The following SERAC1 variants were observed in gnomAD, a reference collection of about 807,000 sequenced individuals.
SERAC1 encodes the protein protein SERAC1.
Under a neutral mutation model 85.7 loss-of-function variants are expected in SERAC1, and 36 were observed. The ratio of observed to expected loss-of-function variants is 0.42; its 90% confidence interval spans 0.32 to 0.55. SERAC1 has a LOEUF of 0.55. Ranked by LOEUF, SERAC1 falls within the 20% of genes least tolerant of loss-of-function variation. The pLI, the probability that SERAC1 is intolerant of heterozygous loss-of-function variation, is 0.11. For synonymous variants in SERAC1, 242 were observed against 265.3 expected, an observed-to-expected ratio of 0.91 and a Z score of 0.85; for missense variants, 629 against 796.2, an observed-to-expected ratio of 0.79 and a Z score of 2.53.
At position 158,114,937 on chromosome 6, in the gene SERAC1, A is replaced by G. The variant is rs763933400; in HGVS notation, c.1536T>C (p.Ser512=). ...TAACAGTACTCATTTCTGGCTTCGT[A>G]GAGGCTTCCAACAGCATCTTTTTGA... ...LLVKKMLLEA[S]TKPEMSTVIN... is the part of the protein sequence containing the mutation. The change falls in exon 15 of 17, where the codon TCT becomes TCC. Residue 512 remains serine (S), a synonymous_variant. Transcript: ENST00000647468. The G allele has an allele frequency of 1.9e-6, 3 of 1,613,606 alleles. No individual in the cohort carries two copies. Among genetic ancestry groups the G allele is most frequent in the African/African-American group, 1.3e-5 (1 of 75,034 alleles).
chr6:158,142,581 A>C lies in SERAC1; in HGVS notation c.738+475T>G, dbSNP rs531705020. Reference sequence around the variant, plus strand: ...AACCTCCGCCTCCCGGGTTCAAGCGATTCTCCTGCCTCAGCCTCCCGAGTA... The same window carrying C: ...AACCTCCGCCTCCCGGGTTCAAGCGCTTCTCCTGCCTCAGCCTCCCGAGTA... On this transcript the variant is annotated intron_variant, in intron 8 of 16. Transcript: ENST00000647468. 2.5e-3 allele frequency among the ~76,000 whole-genome samples: 372 copies of C among 151,630 alleles called. 5 individuals carry two copies. Among genetic ancestry groups the C allele is most frequent in the Non-Finnish European group, 5.7e-4 (39 of 67,908 alleles).
chr6:158,147,036 G>A (rs972992608), intron 5 of SERAC1, 123 bp from the exon 6 acceptor site: 39 of 915,948 alleles, frequency 4.3e-5, no homozygotes, highest in Non-Finnish European at 4.8e-6. Flanking sequence ...ATATATATAG[G>A]TATTGATAAA....
At chr6:158,167,223 TAAAAAAAAAAAAA>T (rs34350104) in intron 1 of SERAC1, among the ~76,000 whole-genome samples, 2 of 101,838 alleles carry the variant, frequency 2.0e-5, no homozygotes, top group South Asian at 3.5e-4. Flanking sequence ...CACACGATGT[TAAAAAAAAAAAAA>T]AAAAAAAAAA....
At chr6:158,165,397 C>T (rs1785575868) in intron 1 of SERAC1, among the ~76,000 whole-genome samples, 2 of 152,244 alleles carry the variant, frequency 1.3e-5, no homozygotes, top group Admixed American at 6.5e-5. Context: ...CCTCGTGATC[C>T]ACCCGCCTCG....
intron 6 of SERAC1, chr6:158,146,285 G>A (rs1785052908): frequency 6.6e-6 from 1 of 152,086 alleles, no homozygotes; most frequent in Admixed American, 6.6e-5. Flanking sequence ...CAGTTCAGCA[G>A]GCTTTCTACT....
intron 3 of SERAC1, among the ~76,000 whole-genome samples, chr6:158,151,807 T>G (rs1043022658): frequency 1.3e-5 from 2 of 152,140 alleles, no homozygotes; most frequent in African/African-American, 4.8e-5. Flanking sequence ...ATACAACGTG[T>G]TTGTGTTTTA....
intron 8 of SERAC1, among the ~76,000 whole-genome samples, chr6:158,142,474 A>G (rs1583588734): frequency 7.2e-6 from 1 of 139,708 alleles, no homozygotes; most frequent in East Asian, 2.1e-4. Flanking sequence ...CCTCAGCCCT[A>G]TTCATTCTTT....
At position 158,113,476 on chromosome 6, in the gene SERAC1, G is replaced by A. The variant is rs1784195834; in HGVS notation, c.1801C>T (p.Leu601Phe). The stretch of plus-strand genomic sequence containing the variant: ...GCTGATTCCACAGGTACCACATGGA[G>A]CTTAATCATGCTGCCAATGTAGGTT... ...LPTYIGSMIK[L>F]HVVPVESADL... is the part of the protein sequence containing the mutation. The change falls in exon 16 of 17, where the codon CTC becomes TTC. Residue 601 changes from leucine (L) to phenylalanine (F), a missense_variant. Leu to Phe is a conservative substitution (Grantham distance 22). Coordinates refer to ENST00000647468, the MANE Select transcript of SERAC1 (RefSeq NM_032861.4). The A allele has an allele frequency of 6.2e-7, 1 of 1,613,898 alleles. No individual in the cohort carries two copies. The highest frequency in any genetic ancestry group is 1.3e-5 in the African/African-American group (1 of 74,930).
At chr6:158,157,694 T>C (rs1224072209) in intron 2 of SERAC1, among the ~76,000 whole-genome samples, 1 of 152,244 alleles carries the variant, frequency 6.6e-6, no homozygotes, top group Non-Finnish European at 1.5e-5. Context: ...GATCACCTAC[T>C]ACATGCCATG....
chr6:158,129,878 T>G (rs1187818417), intron 9 of SERAC1, among the ~76,000 whole-genome samples: 2 of 152,102 alleles, frequency 1.3e-5, no homozygotes, highest in Non-Finnish European at 2.9e-5. Flanking sequence ...GTATTTTTAG[T>G]AGAGACGGAG....
chr6:158,115,643 A>G (rs766361019), intron 14 of SERAC1, among the ~76,000 whole-genome samples: 7 of 152,118 alleles, frequency 4.6e-5, no homozygotes, highest in Admixed American at 2.6e-4. Flanking sequence ...AAAATTTCAA[A>G]GTGGACTGGG....
In SERAC1 at chr6:158,120,351, A is replaced by G; in HGVS notation, c.1166+74T>C. ...TTTAACTTATCTGAATTATGCAGAA[A>G]TAAGTTAAAAATTTGAGGCCTCTAG... On this transcript the variant is annotated intron_variant, in intron 11 of 16. Transcript: ENST00000647468. This position sits in a 1 kb window ranked among gnomAD's most constrained non-coding sequence, Gnocchi z 4.4. 7.0e-7 allele frequency: 1 copy of G among 1,429,122 alleles called. No homozygotes were observed. Among genetic ancestry groups the G allele is most frequent in the Admixed American group, 2.3e-5 (1 of 42,590 alleles). 88.5% of individuals were successfully genotyped at this position (1,429,122 alleles called of 1,614,324 possible).
chr6:158,145,522 C>CTTTTTT (rs770977567), intron 6 of SERAC1, among the ~76,000 whole-genome samples: 2 of 129,202 alleles, frequency 1.5e-5, no homozygotes, highest in African/African-American at 2.9e-5. Context: ...GAGAATTTTT[C>CTTTTTT]TTTTTTTTTT....
intron 9 of SERAC1, among the ~76,000 whole-genome samples, chr6:158,129,975 C>T (rs1784637203): frequency 1.3e-5 from 2 of 152,124 alleles, no homozygotes. Flanking sequence ...GGATTACAGG[C>T]GTGAGCCACC....
chr6:158,146,835 T>C lies in SERAC1; in HGVS notation c.434A>G (p.Lys145Arg), dbSNP rs1245612545. Residue 145 changes from lysine (K) to arginine (R), a missense_variant, in exon 6 of 17, where the codon AAA (lysine) becomes AGA (arginine). By Grantham distance (26) the Lys-to-Arg change is conservative. Coordinates refer to ENST00000647468, the MANE Select transcript of SERAC1 (RefSeq NM_032861.4). The part of the protein sequence containing the change: ...LLLRKSKSDD[K>R]TTRLEAVREM... ...CCGCACAGCCTCGAGTCGCGTGGTTTTGTCATCTGACTTGCTCTTCCGTAG... is the reference window on the plus strand; with the variant it reads ...CCGCACAGCCTCGAGTCGCGTGGTTCTGTCATCTGACTTGCTCTTCCGTAG... 1.2e-6 allele frequency: 2 copies of C among 1,613,950 alleles called. No homozygotes were observed. The highest frequency in any genetic ancestry group is 1.7e-6 in the Non-Finnish European group (2 of 1,179,968).
At chr6:158,118,403 C>CA (rs1784341300) in intron 12 of SERAC1, among the ~76,000 whole-genome samples, 1 of 152,056 alleles carries the variant, frequency 6.6e-6, no homozygotes, top group Non-Finnish European at 1.5e-5. Flanking sequence ...AAATTCCATT[C>CA]AATGAATTCA....
At chr6:158,165,438 A>C (rs1785577227) in intron 1 of SERAC1, among the ~76,000 whole-genome samples, 1 of 152,152 alleles carries the variant, frequency 6.6e-6, no homozygotes, top group South Asian at 2.1e-4. Context: ...TACAAGCGTG[A>C]GCCACCGTGC....
rs112404973 is a variant in SERAC1, at chr6:158,115,293, G to A, written c.1502-322C>T. Among the ~76,000 whole-genome samples the A allele has an allele frequency of 7.7e-3, 1,176 of 152,296 alleles. 18 individuals carry two copies. The highest frequency in any genetic ancestry group is 0.026 in the African/African-American group (1,091 of 41,562). On this transcript the variant is annotated intron_variant, in intron 14 of 16. Transcript: ENST00000647468. ...CTGGGAGCTCCCTCAGGACATGAGC[G>A]TGGTGTGGCTGGTCTCTCAGCCTGC... is the stretch of plus-strand genomic sequence containing the variant.
rs188252095 is a variant in SERAC1, at chr6:158,152,335, G to A, written c.129-1746C>T. Reference sequence around the variant, plus strand: ...ATTCAAGACCGGCCTGGCCAACATGGCAAAACCAAGGCTCTACTAAAAATA... The same window carrying A: ...ATTCAAGACCGGCCTGGCCAACATGACAAAACCAAGGCTCTACTAAAAATA... On this transcript the variant is annotated intron_variant, in intron 3 of 16. Transcript: ENST00000647468. Among the ~76,000 whole-genome samples, 279 of 152,262 alleles carry A rather than the reference G, an allele frequency of 1.8e-3. 1 individual carries two copies. The highest frequency in any genetic ancestry group is 3.4e-3 in the Non-Finnish European group (233 of 68,002).
Sources: allele counts gnomAD v4.1 joint callset (sites outside exome capture counted in the v4.1 genomes callset), GRCh38; gene constraint gnomAD v4.1.1; non-coding constraint Gnocchi (gnomAD v3.1); transcripts MANE v1.5; gene names NCBI Gene and HGNC (gene_info 2026-07-23, HGNC 2026-07-21).